Variants in CPQ observed in about 807,000 individuals in gnomAD.
CPQ encodes the protein Ser-Met dipeptidase.
CPQ carries 37 observed loss-of-function variants against 45.7 expected under a neutral mutation model. The ratio of observed to expected loss-of-function variants is 0.81; its 90% CI spans 0.62 to 1.07. The LOEUF is 1.07. Among genes scored for constraint, CPQ ranks in the 50% least tolerant of loss-of-function variants. The pLI is 0.00. For missense variants in CPQ, 537 were observed against 572.9 expected (o/e 0.94, Z 0.64); for synonymous variants, 186 against 205.8 (o/e 0.90, Z 0.82).
chr8:96,857,520 A>T (rs1011716914), intron 3 of CPQ, among the ~76,000 whole-genome samples: 2 of 152,156 alleles, frequency 1.3e-5, no homozygotes, highest in African/African-American at 4.8e-5. Context: ...CAGCTATCAA[A>T]ATGAAAAATG....
chr8:96,719,184 G>A (rs1809728333), intron 1 of CPQ, among the ~76,000 whole-genome samples: 2 of 152,214 alleles, frequency 1.3e-5, no homozygotes, highest in Admixed American at 1.3e-4. Flanking sequence ...CCATGGAGGG[G>A]GTGGGAGGCT....
At chr8:96,688,676 A>G (rs1809266815) in intron 1 of CPQ, among the ~76,000 whole-genome samples, 1 of 152,140 alleles carries the variant, frequency 6.6e-6, no homozygotes, top group Non-Finnish European at 1.5e-5. Context: ...TGACGGTACT[A>G]TATTTCTTCA....
At chr8:97,006,838 T>C (rs887912805) in intron 5 of CPQ, among the ~76,000 whole-genome samples, 8 of 152,150 alleles carry the variant, frequency 5.3e-5, no homozygotes, top group African/African-American at 1.9e-4. Flanking sequence ...CTTTTGTTAC[T>C]TGACTTCTGT....
rs575057475 is a variant in CPQ, at chr8:97,024,545, G to A, written c.962-4858G>A. The stretch of plus-strand genomic sequence containing the variant: ...TCTTCTGTTCTGCCTTTAAAGAGAA[G>A]TAGTTGCAGTTTACTTCACTAAAAT... On this transcript the variant is annotated intron_variant, in intron 5 of 7. Transcript: ENST00000220763. 2.1e-4 allele frequency among the ~76,000 whole-genome samples: 32 copies of A among 152,296 alleles called. No homozygotes were observed. The South Asian group carries it at 3.5e-3, about 17-fold the overall frequency.
intron 6 of CPQ, among the ~76,000 whole-genome samples, chr8:97,054,023 TAAG>T (rs747227401): frequency 6.6e-6 from 1 of 151,526 alleles, no homozygotes; most frequent in Non-Finnish European, 1.5e-5. Flanking sequence ...AAGGGGGAGA[TAAG>T]GAGTATGGGT....
chr8:96,874,463 A>G (rs1489588696), intron 3 of CPQ, among the ~76,000 whole-genome samples: 2 of 151,160 alleles, frequency 1.3e-5, no homozygotes, highest in Non-Finnish European at 3.0e-5. Context: ...TTAATATTCC[A>G]CTCTCCCCTG....
At chr8:96,661,603 C>T (rs1388451769) in intron 1 of CPQ, among the ~76,000 whole-genome samples, 1 of 152,184 alleles carries the variant, frequency 6.6e-6, no homozygotes, top group African/African-American at 2.4e-5. Context: ...CTCCCTGTCT[C>T]TTTATGGCTT....
intron 5 of CPQ, among the ~76,000 whole-genome samples, chr8:97,017,214 C>T (rs765785572): frequency 5.9e-5 from 9 of 152,028 alleles, no homozygotes; most frequent in Non-Finnish European, 1.3e-4. Context: ...TGTAGAGGGC[C>T]GAGCAAAATA....
In CPQ at chr8:96,785,293, C is replaced by G. The variant is rs763710032; in HGVS notation, c.396C>G (p.Ile132Met). The change falls in exon 2 of 8, where the codon ATC becomes ATG. Residue 132 changes from isoleucine (I) to methionine (M), a missense_variant. Ile to Met is a conservative substitution (Grantham distance 10, BLOSUM62 1). Coordinates refer to ENST00000220763, the MANE Select transcript of CPQ (RefSeq NM_016134.4). ...MLEPRIHKIA[I>M]LGLGSSIGTP... is the part of the protein sequence containing the mutation. ...AGCCAAGAATTCATAAGATAGCCAT[C>G]CTGGGTCTTGGCAGCAGCATTGGGA... 3.7e-6 allele frequency: 6 copies of G among 1,611,888 alleles called. No individual in the cohort carries two copies. In the African/African-American group the frequency reaches 4.0e-5, roughly 11 times the overall value.
chr8:96,834,904 C>A (rs952677090), intron 2 of CPQ, 69 bp from the exon 3 acceptor site: 4 of 1,393,834 alleles, frequency 2.9e-6, no homozygotes, highest in Non-Finnish European at 4.0e-6. Context: ...TGTATGTGAC[C>A]TTTCCTGTGC....
chr8:97,077,591 AATAG>A (rs1381758387), intron 7 of CPQ, among the ~76,000 whole-genome samples: 4 of 152,234 alleles, frequency 2.6e-5, no homozygotes, highest in African/African-American at 9.6e-5. Context: ...AACTTTTTAT[AATAG>A]ATCTGTGTAT....
chr8:97,022,241 G>C (rs1809701340), intron 5 of CPQ, among the ~76,000 whole-genome samples: 1 of 152,152 alleles, frequency 6.6e-6, no homozygotes, highest in African/African-American at 2.4e-5. Context: ...ACTCAAGATG[G>C]ATCAAGGATT....
chr8:96,760,602 G>A (rs1358670946), intron 1 of CPQ, among the ~76,000 whole-genome samples: 34 of 152,078 alleles, frequency 2.2e-4, no homozygotes, highest in Admixed American at 2.1e-3. Context: ...GACCCTGGTG[G>A]TTATAATGCA....
chr8:96,714,555 A>T (rs1197346401), intron 1 of CPQ, among the ~76,000 whole-genome samples: 2 of 152,084 alleles, frequency 1.3e-5, no homozygotes, highest in African/African-American at 4.8e-5. Context: ...TTTTTTAAAT[A>T]AAAAAATTAT....
At position 97,140,938 on chromosome 8, in the gene CPQ, T is replaced by C. The variant is rs76933719; in HGVS notation, c.1256-2082T>C. 4.7e-3 allele frequency among the ~76,000 whole-genome samples: 712 copies of C among 152,096 alleles called. 7 individuals are homozygous for C. The highest frequency in any genetic ancestry group is 0.016 in the African/African-American group (657 of 41,530). ...AATATGGCACAATCCGTACCGCAGATCAGTGGAGAAAGAGGATGTACTACT... is the reference window on the plus strand; with the variant it reads ...AATATGGCACAATCCGTACCGCAGACCAGTGGAGAAAGAGGATGTACTACT... On this transcript the variant is annotated intron_variant, in intron 7 of 7. Coordinates refer to ENST00000220763, the MANE Select transcript of CPQ (RefSeq NM_016134.4).
intron 1 of CPQ, among the ~76,000 whole-genome samples, chr8:96,657,833 A>G (rs1046724559): frequency 1.3e-5 from 2 of 152,190 alleles, no homozygotes; most frequent in Non-Finnish European, 2.9e-5. Flanking sequence ...AAAAGAAAAC[A>G]TACCTCTCTC....
intron 1 of CPQ, among the ~76,000 whole-genome samples, chr8:96,654,113 G>A (rs1815610648): frequency 2.0e-5 from 3 of 152,122 alleles, no homozygotes. Flanking sequence ...TTGCTTTTTG[G>A]TACTTTTATA....
In CPQ at chr8:96,855,262, T is replaced by C. The variant is rs539491466; in HGVS notation, c.641+20082T>C. Among the ~76,000 whole-genome samples the C allele has an allele frequency of 5.3e-5, 8 of 152,282 alleles. No individual in the cohort carries two copies. The East Asian group carries it at 1.5e-3, about 29-fold the overall frequency. ...AATATATGAGCACCCTGTGGCCCAG[T>C]CAAGTTGATACATAACAATCACAGC... On this transcript the variant is annotated intron_variant, in intron 3 of 7. Coordinates refer to ENST00000220763, the MANE Select transcript of CPQ (RefSeq NM_016134.4).
intron 4 of CPQ, among the ~76,000 whole-genome samples, chr8:96,903,002 G>A (rs1056273199): frequency 3.3e-5 from 5 of 152,170 alleles, no homozygotes; most frequent in South Asian, 2.1e-4. Context: ...GAAGTGATAG[G>A]CAGGATAGTG....
Sources: gnomAD v4.1 joint callset for allele counts (sites outside exome capture counted in the v4.1 genomes callset) on GRCh38, gnomAD v4.1.1 for gene constraint, MANE v1.5 for transcripts, NCBI Gene and HGNC (gene_info 2026-07-23, HGNC 2026-07-21) for gene names.